Variants in DENND1B observed in about 807,000 individuals in gnomAD.
DENND1B encodes the protein DENN domain-containing protein 1B.
In DENND1B, 59 loss-of-function variants were observed where a neutral mutation model predicts 90.1. The ratio of observed to expected loss-of-function variants is 0.65; its 90% CI spans 0.53 to 0.81. The LOEUF is 0.81. Among genes scored for constraint, DENND1B ranks in the 40% least tolerant of loss-of-function variants. The pLI, the probability that DENND1B is intolerant of heterozygous loss-of-function variation, is 0.00. For missense variants in DENND1B, 862 were observed against 912.6 expected (o/e 0.94, Z 0.71); for synonymous variants, 337 against 324.6 (o/e 1.04, Z -0.41).
intron 2 of DENND1B, among the ~76,000 whole-genome samples, chr1:197,768,357 C>T (rs1655987019): frequency 6.6e-6 from 1 of 152,150 alleles, no homozygotes; most frequent in African/African-American, 2.4e-5. Context: ...AAGGCCACTT[C>T]CCAGAAGAGA....
chr1:197,650,910 G>A (rs1459228393), intron 7 of DENND1B, among the ~76,000 whole-genome samples: 1 of 152,098 alleles, frequency 6.6e-6, no homozygotes, highest in Non-Finnish European at 1.5e-5. Context: ...TACGAATATG[G>A]TGTAGTGTAT....
At chr1:197,658,793 A>T (rs570553232) in intron 5 of DENND1B, among the ~76,000 whole-genome samples, 1 of 151,142 alleles carries the variant, frequency 6.6e-6, no homozygotes, top group Non-Finnish European at 1.5e-5. Context: ...GTGTTTTTCA[A>T]TTCTTCAGAA....
chr1:197,624,893 G>A lies in DENND1B; in HGVS notation c.673-7134C>T, dbSNP rs375509095. Among the ~76,000 whole-genome samples, 488 of 151,944 alleles carry A rather than the reference G, an allele frequency of 3.2e-3. 1 individual carries two copies. Among genetic ancestry groups the A allele is most frequent in the East Asian group, 0.013 (68 of 5,146 alleles). On this transcript the variant is annotated intron_variant, in intron 10 of 22. Coordinates refer to ENST00000620048, the MANE Select transcript of DENND1B (RefSeq NM_001195215.2). ...ATGCAGAAGCCTCAGGAGCCGATGC[G>A]ATCAACTGGAAGAAAGGGTATCAGT...
rs1228758287 is a variant in DENND1B at position 197,775,183 on chromosome 1, T to C, written c.-28A>G. On this transcript the variant is annotated 5_prime_UTR_variant, in exon 1 of 23. Transcript: ENST00000620048. ...TTACATGTCGGTGTGGGGCTGTCCG[T>C]CCGGCCCCCGCGCGCTGGCCTGGAA... 1 of 1,272,638 alleles carries C rather than the reference T, an allele frequency of 7.9e-7. No homozygotes were observed. Among genetic ancestry groups the C allele is most frequent in the Non-Finnish European group, 1.0e-6 (1 of 1,004,122 alleles). 78.8% of individuals were successfully genotyped at this position (1,272,638 alleles called of 1,614,324 possible).
chr1:197,690,180 G>T, intron 3 of DENND1B: 1 of 291,146 alleles, frequency 3.4e-6, no homozygotes, highest in South Asian at 4.7e-5. Flanking sequence ...TAAGGATAAT[G>T]TGGGCTTCGA....
chr1:197,753,835 T>C (rs1256667424), intron 2 of DENND1B, among the ~76,000 whole-genome samples: 1 of 151,758 alleles, frequency 6.6e-6, no homozygotes, highest in Non-Finnish European at 1.5e-5. Context: ...ATCCCGTCTC[T>C]ACTAAAAATA....
At chr1:197,525,457 T>C (rs938820059) in intron 20 of DENND1B, among the ~76,000 whole-genome samples, 2 of 152,102 alleles carry the variant, frequency 1.3e-5, no homozygotes, top group African/African-American at 2.4e-5. Flanking sequence ...AGGGTTTCAA[T>C]ATTTCAACAT....
At chr1:197,603,591 C>G (rs1676402239) in intron 13 of DENND1B, among the ~76,000 whole-genome samples, 2 of 151,068 alleles carry the variant, frequency 1.3e-5, no homozygotes, top group Non-Finnish European at 3.0e-5. Context: ...TTTCAGATGT[C>G]AATTCTAATG....
chr1:197,630,310 C>A (rs1679213760), intron 10 of DENND1B, among the ~76,000 whole-genome samples: 1 of 151,988 alleles, frequency 6.6e-6, no homozygotes, highest in South Asian at 2.1e-4. Flanking sequence ...CATCAAGGTA[C>A]CAGCAGATTC....
chr1:197,674,602 G>T (rs1655866514), intron 3 of DENND1B, among the ~76,000 whole-genome samples: 1 of 151,454 alleles, frequency 6.6e-6, no homozygotes, highest in Non-Finnish European at 1.5e-5. Flanking sequence ...AAAAGGGAAT[G>T]AAGTTGGCAG....
intron 10 of DENND1B, among the ~76,000 whole-genome samples, chr1:197,642,384 A>G (rs557169571): frequency 1.3e-5 from 2 of 152,280 alleles, no homozygotes; most frequent in East Asian, 3.9e-4. Flanking sequence ...GGAAAAAGCC[A>G]CAAGTGAATA....
chr1:197,527,315 T>TG (rs1468218638), intron 20 of DENND1B, among the ~76,000 whole-genome samples: 8 of 151,012 alleles, frequency 5.3e-5, no homozygotes, highest in Middle Eastern at 3.4e-3. Flanking sequence ...TTTTTTTGTT[T>TG]TTGTTTTTTT....
rs539289031 is a variant in DENND1B, at chr1:197,590,099, G to A, written c.1047+5109C>T. ...AAAGTATTGTCATGTTTAAGGCAGT[G>A]TTTTCCTTTCTGGAAAGATGCTTTG... On this transcript the variant is annotated intron_variant, in intron 14 of 22. Coordinates refer to ENST00000620048, the MANE Select transcript of DENND1B (RefSeq NM_001195215.2). 1.1e-4 allele frequency among the ~76,000 whole-genome samples: 17 copies of A among 152,184 alleles called. 1 individual carries two copies. The highest frequency in any genetic ancestry group is 8.8e-5 in the Non-Finnish European group (6 of 67,974).
intron 2 of DENND1B, among the ~76,000 whole-genome samples, chr1:197,755,704 T>C (rs926265808): frequency 6.6e-6 from 1 of 152,114 alleles, no homozygotes; most frequent in Non-Finnish European, 1.5e-5. Flanking sequence ...GACTTAACAG[T>C]TCCACATGGC....
intron 20 of DENND1B, among the ~76,000 whole-genome samples, chr1:197,525,616 T>G (rs553822460): frequency 6.6e-6 from 1 of 152,098 alleles, no homozygotes; most frequent in African/African-American, 2.4e-5. Context: ...CCATATTATT[T>G]TCAATCACCT....
At chr1:197,555,077 T>C (rs907811896) in intron 15 of DENND1B, among the ~76,000 whole-genome samples, 2 of 152,114 alleles carry the variant, frequency 1.3e-5, no homozygotes. Flanking sequence ...AAATAAGTAA[T>C]GGTGAAAGAC....
chr1:197,761,757 A>G (rs1655081457), intron 2 of DENND1B: 1 of 152,136 alleles, frequency 6.6e-6, no homozygotes, highest in South Asian at 2.1e-4. Context: ...TATCTGCAGA[A>G]GGCTATCAGA....
upstream of DENND1B, among the ~76,000 whole-genome samples, chr1:197,780,312 T>C (rs1171469417): frequency 4.0e-5 from 6 of 151,474 alleles, no homozygotes; most frequent in East Asian, 5.8e-4. Context: ...AAGATGAAGA[T>C]GAAAGGTGGC....
chr1:197,679,950 G>A (rs954270165), intron 3 of DENND1B, among the ~76,000 whole-genome samples: 2 of 151,030 alleles, frequency 1.3e-5, no homozygotes, highest in African/African-American at 4.9e-5. Flanking sequence ...AGGAGTTCGA[G>A]ACCAGCCTGG....
Sources: allele counts gnomAD v4.1 joint callset (sites outside exome capture counted in the v4.1 genomes callset), GRCh38; gene constraint gnomAD v4.1.1; transcripts MANE v1.5; gene names NCBI Gene and HGNC (gene_info 2026-07-23, HGNC 2026-07-21).